ST6GAL2: variants seen among roughly 807,000 people sequenced by gnomAD.
ST6GAL2 encodes beta-galactoside alpha-2,6-sialyltransferase 2.
In ST6GAL2, 24 loss-of-function variants were observed where a neutral mutation model predicts 37.5. The observed-to-expected ratio is 0.64, with a 90% CI of 0.46 to 0.90. The LOEUF (loss-of-function observed/expected upper bound fraction) is 0.90, where lower values mean the gene tolerates loss of function less well. Among genes scored for constraint, ST6GAL2 ranks in the 40% least tolerant of loss-of-function variants. The probability of loss-of-function intolerance (pLI) is 0.00; values close to 1 mark genes in which losing one functional copy is unlikely to be tolerated. For synonymous variants in ST6GAL2, 306 were observed against 295.1 expected, an observed-to-expected ratio of 1.04 and a Z score of -0.38; for missense variants, 715 against 712.7, an observed-to-expected ratio of 1.00 and a Z score of -0.04.
intron 1 of ST6GAL2, among the ~76,000 whole-genome samples, chr2:106,876,835 C>T (rs749176981): frequency 1.8e-4 from 27 of 152,138 alleles, no homozygotes; most frequent in Admixed American, 3.3e-4. Context: ...GCATAAAAGC[C>T]GGAGTAAACC....
At chr2:106,848,673 C>A (rs770768485) in intron 1 of ST6GAL2, among the ~76,000 whole-genome samples, 10 of 152,090 alleles carry the variant, frequency 6.6e-5, no homozygotes, top group Non-Finnish European at 1.3e-4. Flanking sequence ...GGAACTTGAG[C>A]TGAGAAAGTG....
At chr2:106,832,523 T>C (rs762176325) in intron 4 of ST6GAL2, 42 bp downstream of exon 4, 34 of 1,033,916 alleles carry the variant, frequency 3.3e-5, no homozygotes, top group Non-Finnish European at 4.5e-5. Context: ...GTCAAAGCCA[T>C]TGTCTGACCG....
At chr2:106,833,753 T>C (rs1209390511) in intron 3 of ST6GAL2, among the ~76,000 whole-genome samples, 3 of 152,164 alleles carry the variant, frequency 2.0e-5, no homozygotes, top group African/African-American at 7.2e-5. Context: ...CTTTTGTCAG[T>C]TCACAAAATG....
intron 1 of ST6GAL2, among the ~76,000 whole-genome samples, chr2:106,854,413 T>A (rs992010910): frequency 1.3e-5 from 2 of 152,192 alleles, no homozygotes; most frequent in Admixed American, 6.5e-5. Flanking sequence ...GAGCACAATA[T>A]TTTTCAGTCC....
intron 5 of ST6GAL2, among the ~76,000 whole-genome samples, chr2:106,823,823 T>C (rs1005744957): frequency 2.0e-5 from 3 of 152,192 alleles, no homozygotes; most frequent in Admixed American, 6.5e-5. Context: ...TTGATGGCCA[T>C]CTTTCTGCTG....
chr2:106,860,603 G>A (rs1433773293), intron 1 of ST6GAL2, among the ~76,000 whole-genome samples: 1 of 152,082 alleles, frequency 6.6e-6, no homozygotes, highest in African/African-American at 2.4e-5. Context: ...TGTATCACAG[G>A]TCCTCTTTAT....
chr2:106,843,601 G>C lies in ST6GAL2; in HGVS notation c.377C>G (p.Pro126Arg). 3 of 1,613,978 alleles carry C rather than the reference G, an allele frequency of 1.9e-6. No homozygotes were observed. The highest frequency in any genetic ancestry group is 2.5e-6 in the Non-Finnish European group (3 of 1,180,008). The change falls in exon 2 of 6, where the codon CCG (proline) becomes CGG (arginine). Residue 126 changes from proline to arginine, a missense_variant. By Grantham distance (103) the Pro-to-Arg change is moderately radical (BLOSUM62 -2). This residue lies in a region of ST6GAL2 where 512 missense variants were observed against 488.8 expected (regional missense o/e 1.05). Coordinates refer to ENST00000409382, the MANE Select transcript of ST6GAL2 (RefSeq NM_001142351.2). The part of the protein sequence containing the change: ...VGRKSQSAFY[P>R]EDDDYFFAAG... ...AGCAAAAAAGTAGTCGTCATCCTCC[G>C]GGTAGAAAGCACTTTGAGATTTTCT...
At chr2:106,848,037 C>CTCTT (rs879673871) in intron 1 of ST6GAL2, among the ~76,000 whole-genome samples, 2 of 151,008 alleles carry the variant, frequency 1.3e-5, no homozygotes, top group Admixed American at 1.3e-4. Context: ...ATTTCTTTTT[C>CTCTT]TCTTTCTTTT....
chr2:106,849,924 T>C (rs999405301), intron 1 of ST6GAL2, among the ~76,000 whole-genome samples: 1 of 152,200 alleles, frequency 6.6e-6, no homozygotes, highest in Non-Finnish European at 1.5e-5. Context: ...CTTTCATGTA[T>C]TGATTAATGA....
intron 1 of ST6GAL2, among the ~76,000 whole-genome samples, chr2:106,850,813 A>C (rs1677328572): frequency 6.6e-6 from 1 of 152,240 alleles, no homozygotes; most frequent in South Asian, 2.1e-4. Context: ...GTATATCTGA[A>C]ATATTATAAT....
chr2:106,813,016 A>G (rs755166112), intron 5 of ST6GAL2: 1 of 1,223,550 alleles, frequency 8.2e-7, no homozygotes, highest in Non-Finnish European at 1.0e-6. Flanking sequence ...CAAGATTTAG[A>G]CACGTTTTAA....
chr2:106,839,239 T>A (rs573672700), intron 2 of ST6GAL2, among the ~76,000 whole-genome samples: 155 of 152,190 alleles, frequency 1.0e-3, no homozygotes, highest in Middle Eastern at 3.4e-3. Flanking sequence ...CCTGTAGCTC[T>A]CACCACCTGC....
In ST6GAL2 at chr2:106,851,744, C is replaced by G. The variant is rs988350666; in HGVS notation, c.-57-7710G>C. 2.0e-5 allele frequency among the ~76,000 whole-genome samples: 3 copies of G among 147,922 alleles called. No homozygotes were observed. The South Asian group carries it at 6.4e-4, about 31-fold the overall frequency. On this transcript the variant is annotated intron_variant, in intron 1 of 5. Coordinates refer to ENST00000409382, the MANE Select transcript of ST6GAL2 (RefSeq NM_001142351.2). The stretch of plus-strand genomic sequence containing the variant: ...CCAGCTGGCCAAGTTTTCTGTGGGT[C>G]TGAGACACACTCACGTCCTTTTTTT...
Position 106,853,161 on chromosome 2 carries a change from A to G in ST6GAL2, c.-57-9127T>C, listed in dbSNP as rs114579723. 7.1e-3 allele frequency among the ~76,000 whole-genome samples: 1,075 copies of G among 152,080 alleles called. 6 individuals are homozygous for G. Among genetic ancestry groups the G allele is most frequent in the Non-Finnish European group, 8.9e-3 (607 of 68,020 alleles). Reference sequence around the variant, plus strand: ...ATGTCTAATTTCACTCCAGCTCCCTACATTTAGCAGAACAAGTGATCCTCT... The same window carrying G: ...ATGTCTAATTTCACTCCAGCTCCCTGCATTTAGCAGAACAAGTGATCCTCT... On this transcript the variant is annotated intron_variant, in intron 1 of 5. Transcript: ENST00000409382.
chr2:106,831,264 C>T (rs1489629290), intron 4 of ST6GAL2, among the ~76,000 whole-genome samples: 1 of 152,224 alleles, frequency 6.6e-6, no homozygotes, highest in Non-Finnish European at 1.5e-5. Flanking sequence ...CCTTTACCCT[C>T]CCTCCTCTTG....
intron 2 of ST6GAL2, 101 bp from the exon 3 acceptor site, chr2:106,834,247 T>C (rs879791110): frequency 2.3e-5 from 17 of 753,584 alleles, no homozygotes; most frequent in Non-Finnish European, 3.7e-5. Context: ...AAGCTAATTA[T>C]ACATCACCAA....
chr2:106,808,241 A>C (rs971107552), intron 5 of ST6GAL2, among the ~76,000 whole-genome samples: 1 of 152,170 alleles, frequency 6.6e-6, no homozygotes, highest in African/African-American at 2.4e-5. Flanking sequence ...GGCTGCCCAA[A>C]GGTGGAGAAG....
At chr2:106,831,729 C>T (rs1421063768) in intron 4 of ST6GAL2, among the ~76,000 whole-genome samples, 1 of 152,186 alleles carries the variant, frequency 6.6e-6, no homozygotes, top group East Asian at 1.9e-4. Flanking sequence ...GACCAAAATG[C>T]TCCTTCTCCA....
At chr2:106,882,517 G>C (rs1200290804) in intron 1 of ST6GAL2, among the ~76,000 whole-genome samples, 1 of 152,150 alleles carries the variant, frequency 6.6e-6, no homozygotes, top group Non-Finnish European at 1.5e-5. Context: ...ATTATTCTTT[G>C]AATTACTACC....
Sources: allele counts gnomAD v4.1 joint callset (sites outside exome capture counted in the v4.1 genomes callset), GRCh38; gene constraint gnomAD v4.1.1; regional missense constraint gnomAD v4.1.1; transcripts MANE v1.5; gene names NCBI Gene and HGNC (gene_info 2026-07-23, HGNC 2026-07-21).